Variants in GALNT15 observed in about 807,000 individuals in gnomAD.
GALNT15 encodes UDP-GalNAc transferase T15.
GALNT15 carries 67 observed loss-of-function variants against 66.8 expected under a neutral mutation model. The ratio of observed to expected loss-of-function variants is 1.00; its 90% confidence interval spans 0.82 to 1.23. The LOEUF is 1.23. Ranked by LOEUF, GALNT15 falls within the 50% of genes most tolerant of loss-of-function variation. The probability of loss-of-function intolerance (pLI) is 0.00; values close to 1 mark genes in which losing one functional copy is unlikely to be tolerated. For synonymous variants in GALNT15, 313 were observed against 311.5 expected (o/e 1.00, Z -0.05); for missense variants, 827 against 804.3 (o/e 1.03, Z -0.34).
chr3:16,228,154 T>TGAGAATTTCCACCATTGTA lies in GALNT15; in HGVS notation c.*665_*683dup. On this transcript the variant is annotated 3_prime_UTR_variant, in exon 10 of 10. Coordinates refer to ENST00000339732, the MANE Select transcript of GALNT15 (RefSeq NM_054110.5). ...CTAGGAAAAGACATTTTCATGTTAA[T>TGAGAATTTCCACCATTGTA]GAGAATTTCCACCATTGTAGAGAAT... 1.0e-6 allele frequency: 1 copy of TGAGAATTTCCACCATTGTA among 985,924 alleles called. No individual in the cohort carries two copies. Among genetic ancestry groups the TGAGAATTTCCACCATTGTA allele is most frequent in the African/African-American group, 1.7e-5 (1 of 57,366 alleles). 61.1% of individuals were successfully genotyped at this position (985,924 alleles called of 1,614,324 possible). A position where few individuals can be genotyped will look rare whatever the true frequency, so the allele number is the denominator to read the frequency against.
intron 3 of GALNT15, 70 bp from the exon 4 acceptor site, chr3:16,208,433 G>A (rs1559686587): frequency 2.6e-6 from 4 of 1,544,306 alleles, no homozygotes; most frequent in South Asian, 1.2e-5. Context: ...GGCAGCCCAT[G>A]TACAGACTGT....
chr3:16,218,505 C>T (rs1352685531), intron 6 of GALNT15, among the ~76,000 whole-genome samples: 1 of 152,084 alleles, frequency 6.6e-6, no homozygotes, highest in East Asian at 1.9e-4. Context: ...TCAGGATTTG[C>T]CTTCATCTCC....
Position 16,212,710 on chromosome 3 carries a change from T to TTA in GALNT15, c.1339_1340insTA (p.Ser447LeufsTer17). ...TCGCATTGCTGAGACCTGGCTGGGG[T>TTA]CATTCAAAGAAACCTTCTACAAGCA... On this transcript the variant is annotated frameshift_variant, in exon 6 of 10. Transcript: ENST00000339732. LOFTEE classifies it high-confidence loss of function. The TTA allele has an allele frequency of 6.2e-7, 1 of 1,613,812 alleles. No individual in the cohort carries two copies. Among genetic ancestry groups the TTA allele is most frequent in the Non-Finnish European group, 8.5e-7 (1 of 1,179,988 alleles).
chr3:16,175,450 C>G lies in GALNT15; in HGVS notation c.299C>G (p.Ala100Gly). 4 of 1,614,132 alleles carry G rather than the reference C, an allele frequency of 2.5e-6. No homozygotes were observed. Among genetic ancestry groups the G allele is most frequent in the Non-Finnish European group, 3.4e-6 (4 of 1,180,010 alleles). The change falls in exon 1 of 10, where the codon GCC becomes GGC. Residue 100 changes from alanine (A) to glycine (G), a missense_variant. Transcript: ENST00000339732. The surrounding 1 kb of genome is among the most constrained non-coding windows in gnomAD (Gnocchi z 5.6). ...LREDQLLVAVALPQARRNQSQ... is the reference protein window; with the variant it reads ...LREDQLLVAVGLPQARRNQSQ... ...GAGGATCAGCTGCTGGTGGCCGTGG[C>G]CTTACCCCAGGCCAGAAGGAACCAG...
rs753048169 is a variant in GALNT15, at chr3:16,219,085, G to C, written c.1393-318G>C. ...CCAGCCTCGGCCTCCCAAAGTGCTG[G>C]AGGTGTGAGCCACCACTCCCGGCCT... is the stretch of plus-strand genomic sequence containing the variant. On this transcript the variant is annotated intron_variant, in intron 6 of 9. Coordinates refer to ENST00000339732, the MANE Select transcript of GALNT15 (RefSeq NM_054110.5). The surrounding 1 kb of genome is among the most constrained non-coding windows in gnomAD (Gnocchi z 4.3). Among the ~76,000 whole-genome samples, 2 of 152,120 alleles carry C rather than the reference G, an allele frequency of 1.3e-5. No homozygotes were observed. Among genetic ancestry groups the C allele is most frequent in the Non-Finnish European group, 2.9e-5 (2 of 68,030 alleles).
rs1164976010 is a variant in GALNT15, at chr3:16,203,543, T to TCACACACACACACA, written c.911+2753_911+2766dup. 1.6e-4 allele frequency among the ~76,000 whole-genome samples: 10 copies of TCACACACACACACA among 61,164 alleles called. No homozygotes were observed. Among genetic ancestry groups the TCACACACACACACA allele is most frequent in the African/African-American group, 5.5e-4 (10 of 18,316 alleles). The allele number at this position is 61,164 out of a possible 152,430, so 40.1% of individuals were successfully genotyped here. Reference sequence around the variant, plus strand: ...CATTCTCTCTCTCTCTCTCTCTCTCTCACACACACACACACACACACACAC... The same window carrying TCACACACACACACA: ...CATTCTCTCTCTCTCTCTCTCTCTCTCACACACACACACACACACACACACACACACACACACAC... On this transcript the variant is annotated intron_variant, in intron 3 of 9. Coordinates refer to ENST00000339732, the MANE Select transcript of GALNT15 (RefSeq NM_054110.5). This position sits in a 1 kb window ranked among gnomAD's most constrained non-coding sequence, Gnocchi z 6.2.
intron 6 of GALNT15, among the ~76,000 whole-genome samples, chr3:16,216,207 A>G (rs946957641): frequency 2.0e-5 from 3 of 152,206 alleles, no homozygotes; most frequent in Admixed American, 1.3e-4. Context: ...AGAAGAAAGA[A>G]TTCAACTGAG....
Position 16,200,476 on chromosome 3 carries a change from C to A in GALNT15, c.707-143C>A, listed in dbSNP as rs549532849. The A allele has an allele frequency of 7.0e-4, 367 of 520,738 alleles. 1 individual carries two copies. In the Middle Eastern group the frequency reaches 8.8e-3, roughly 12 times the overall value. The allele number at this position is 520,738 out of a possible 1,614,324, so 32.3% of individuals were successfully genotyped here. ...CAAGCATCTTACATCTCAGCAACAA[C>A]CACACTGTAGTAATGTTTTCGGTTC... On this transcript the variant is annotated intron_variant, in intron 2 of 9. Coordinates refer to ENST00000339732, the MANE Select transcript of GALNT15 (RefSeq NM_054110.5). The surrounding 1 kb of genome is among the most constrained non-coding windows in gnomAD (Gnocchi z 4.4).
intron 3 of GALNT15, among the ~76,000 whole-genome samples, chr3:16,201,433 A>G (rs559333305): frequency 1.1e-4 from 16 of 152,218 alleles, no homozygotes; most frequent in Middle Eastern, 3.4e-3. Context: ...CGCCCTCCTC[A>G]GCCTCCCAAA....
rs1004484117 is a variant in GALNT15 at position 16,203,561 on chromosome 3, A to T, written c.911+2738A>T. On this transcript the variant is annotated intron_variant, in intron 3 of 9. Coordinates refer to ENST00000339732, the MANE Select transcript of GALNT15 (RefSeq NM_054110.5). This position sits in a 1 kb window ranked among gnomAD's most constrained non-coding sequence, Gnocchi z 6.2. ...CTCTCTCTCACACACACACACACAC[A>T]CACACACACACACACACACACACAC... Among the ~76,000 whole-genome samples, 438 of 147,306 alleles carry T rather than the reference A, an allele frequency of 3.0e-3. 1 individual carries two copies. Among genetic ancestry groups the T allele is most frequent in the African/African-American group, 0.01 (418 of 39,910 alleles).
rs528287170 is a variant in GALNT15 at position 16,213,080 on chromosome 3, A to G, written c.1392+317A>G. On this transcript the variant is annotated intron_variant, in intron 6 of 9. Coordinates refer to ENST00000339732, the MANE Select transcript of GALNT15 (RefSeq NM_054110.5). ...AGAGAAGCGATGAGATGGGTCTCCAAGGCCAGGTCTCCTTTCATCCTGAGC... is the reference window on the plus strand; with the variant it reads ...AGAGAAGCGATGAGATGGGTCTCCAGGGCCAGGTCTCCTTTCATCCTGAGC... 7.2e-5 allele frequency among the ~76,000 whole-genome samples: 11 copies of G among 152,286 alleles called. No individual in the cohort carries two copies. The East Asian group carries it at 2.1e-3, about 29-fold the overall frequency.
chr3:16,213,898 C>G (rs958910967), intron 6 of GALNT15, among the ~76,000 whole-genome samples: 2 of 152,234 alleles, frequency 1.3e-5, no homozygotes, highest in African/African-American at 4.8e-5. Flanking sequence ...TAGATCCAAT[C>G]CTTTCCCTAA....
At chr3:16,208,364 T>C in intron 3 of GALNT15, 139 bp from the exon 4 acceptor site, 3 of 679,310 alleles carry the variant, frequency 4.4e-6, no homozygotes, top group Non-Finnish European at 7.4e-6. Flanking sequence ...TTACACTTAC[T>C]CCACACCTGA....
chr3:16,222,162 A>G (rs1427857322), intron 8 of GALNT15, among the ~76,000 whole-genome samples: 1 of 152,248 alleles, frequency 6.6e-6, no homozygotes, highest in East Asian at 1.9e-4. Context: ...ATCCAACACT[A>G]CAAAACACTA....
the GALNT15 span, among the ~76,000 whole-genome samples, chr3:16,244,638 G>A: frequency 1.3e-5 from 2 of 152,202 alleles, no homozygotes; most frequent in African/African-American, 4.8e-5. Context: ...CCCCCACAAA[G>A]CAGCCTCACC....
chr3:16,241,047 T>G, the GALNT15 span, among the ~76,000 whole-genome samples: 1 of 152,176 alleles, frequency 6.6e-6, no homozygotes, highest in Admixed American at 6.5e-5. The surrounding 1 kb of genome is among the most constrained non-coding windows in gnomAD (Gnocchi z 4.6). Context: ...GCATGACTCA[T>G]ATACATCATG....
chr3:16,216,391 C>T (rs886757918), intron 6 of GALNT15, among the ~76,000 whole-genome samples: 4 of 151,632 alleles, frequency 2.6e-5, no homozygotes, highest in Admixed American at 1.3e-4. Flanking sequence ...GCCAGCTACT[C>T]GGGAGGCTGA....
rs1308840649 is a variant in GALNT15 at position 16,203,539 on chromosome 3, T to TCACACACA, written c.911+2717_911+2718insACACACAC. Reference sequence around the variant, plus strand: ...CACTCATTCTCTCTCTCTCTCTCTCTCTCTCACACACACACACACACACAC... The same window carrying TCACACACA: ...CACTCATTCTCTCTCTCTCTCTCTCTCACACACACTCTCACACACACACACACACACAC... On this transcript the variant is annotated intron_variant, in intron 3 of 9. Coordinates refer to ENST00000339732, the MANE Select transcript of GALNT15 (RefSeq NM_054110.5). This position sits in a 1 kb window ranked among gnomAD's most constrained non-coding sequence, Gnocchi z 6.2. 3.8e-5 allele frequency among the ~76,000 whole-genome samples: 2 copies of TCACACACA among 53,312 alleles called. No homozygotes were observed. Among genetic ancestry groups the TCACACACA allele is most frequent in the East Asian group, 7.4e-4 (1 of 1,344 alleles). The allele number at this position is 53,312 out of a possible 152,430, so 35.0% of individuals were successfully genotyped here.
At chr3:16,246,044 A>C in the GALNT15 span, among the ~76,000 whole-genome samples, 1 of 152,362 alleles carries the variant, frequency 6.6e-6, no homozygotes, top group East Asian at 1.9e-4. Flanking sequence ...TCTGGCCTTC[A>C]GCTTTGGATG....
Sources: allele counts gnomAD v4.1 joint callset (sites outside exome capture counted in the v4.1 genomes callset), GRCh38; gene constraint gnomAD v4.1.1; non-coding constraint Gnocchi (gnomAD v3.1); transcripts MANE v1.5; gene names NCBI Gene and HGNC (gene_info 2026-07-23, HGNC 2026-07-21).